Variants in CASP6 observed in about 807,000 individuals in gnomAD.
CASP6 encodes caspase-6.
CASP6 carries 20 observed loss-of-function variants against 31.8 expected under a neutral mutation model. That is an observed-to-expected ratio of 0.63 (90% confidence interval 0.44 to 0.91). The LOEUF is 0.91. Ranked by LOEUF, CASP6 falls within the 40% of genes least tolerant of loss-of-function variation. CASP6 has a pLI of 0.00. For synonymous variants in CASP6, 130 were observed against 127.8 expected (o/e 1.02, Z -0.12); for missense variants, 328 against 361.1 (o/e 0.91, Z 0.74).
chr4:109,681,913 C>G, the CASP6 span, among the ~76,000 whole-genome samples: 8 of 152,362 alleles, frequency 5.3e-5, no homozygotes, highest in African/African-American at 1.9e-4. Flanking sequence ...GAAAACAGAG[C>G]TCCCATACGA....
At chr4:109,678,024 C>T in the CASP6 span, among the ~76,000 whole-genome samples, 21 of 151,756 alleles carry the variant, frequency 1.4e-4, no homozygotes, top group Admixed American at 5.9e-4. Context: ...TGACTCTTAA[C>T]GAGTATGCTG....
intron 6 of CASP6, among the ~76,000 whole-genome samples, chr4:109,690,582 G>A (rs1466716340): frequency 2.0e-5 from 3 of 151,706 alleles, no homozygotes; most frequent in Admixed American, 2.0e-4. Flanking sequence ...ACCACCCTCA[G>A]TAACTGATGG....
At position 109,694,680 on chromosome 4, in the gene CASP6, C is replaced by A; in HGVS notation, c.328G>T (p.Asp110Tyr). 6.3e-7 allele frequency: 1 copy of A among 1,597,646 alleles called. No homozygotes were observed. The highest frequency in any genetic ancestry group is 8.5e-7 in the Non-Finnish European group (1 of 1,172,970). ...AAGACACACACAAAGCAATCGGCAT[C>A]TGCGTGGCTAACAGTTGACACTATA... ...IHEVSTVSHA[D>Y]ADCFVCVFLS... is the part of the protein sequence containing the mutation. Residue 110 changes from aspartate (D) to tyrosine (Y), a missense_variant, in exon 5 of 7, where the codon GAT (aspartate) becomes TAT (tyrosine). Physicochemically the swap from Asp to Tyr is radical, Grantham distance 160. Transcript: ENST00000265164.
At chr4:109,697,844 T>C in intron 2 of CASP6, 76 bp from the exon 3 acceptor site, 9 of 1,508,880 alleles carry the variant, frequency 6.0e-6, no homozygotes, top group Non-Finnish European at 8.1e-6. Flanking sequence ...TAGGTCAACA[T>C]GTAGATAGAG....
the CASP6 span, among the ~76,000 whole-genome samples, chr4:109,666,577 G>T: frequency 6.6e-6 from 1 of 152,136 alleles, no homozygotes; most frequent in Non-Finnish European, 1.5e-5. Context: ...ACGCCTATTT[G>T]CCATCTATGT....
At chr4:109,699,775 G>T (rs966652957) in intron 1 of CASP6, among the ~76,000 whole-genome samples, 1 of 152,172 alleles carries the variant, frequency 6.6e-6, no homozygotes, top group African/African-American at 2.4e-5. Flanking sequence ...GCACAGTAAC[G>T]AGGTACTTCC....
rs1161390236 is a variant in CASP6 at position 109,689,877 on chromosome 4, A to G, written c.644-309T>C. ...AGTCAAAATTATTTACTACAAAAGC[A>G]AAGAACCATTATCAAAATATTTTTC... is the stretch of plus-strand genomic sequence containing the variant. On this transcript the variant is annotated intron_variant, in intron 6 of 6. Coordinates refer to ENST00000265164, the MANE Select transcript of CASP6 (RefSeq NM_001226.4). Among the ~76,000 whole-genome samples, 3 of 152,184 alleles carry G rather than the reference A, an allele frequency of 2.0e-5. No homozygotes were observed. The South Asian group carries it at 6.2e-4, about 32-fold the overall frequency.
the CASP6 span, among the ~76,000 whole-genome samples, chr4:109,664,701 A>C: frequency 1.3e-5 from 2 of 152,286 alleles, no homozygotes; most frequent in South Asian, 4.1e-4. Flanking sequence ...TATGTTAAGA[A>C]TCTTAAATTT....
the CASP6 span, among the ~76,000 whole-genome samples, chr4:109,677,419 A>G: frequency 6.6e-6 from 1 of 152,056 alleles, no homozygotes; most frequent in Non-Finnish European, 1.5e-5. Flanking sequence ...GGCTCTTGGG[A>G]TGGAGTGAAT....
the CASP6 span, among the ~76,000 whole-genome samples, chr4:109,678,276 TC>T: frequency 6.6e-6 from 1 of 152,052 alleles, no homozygotes; most frequent in South Asian, 2.1e-4. Flanking sequence ...TTCCCCCTTT[TC>T]TATTCGACAA....
intron 2 of CASP6, 50 bp from the exon 3 acceptor site, chr4:109,697,818 G>A (rs773498170): frequency 1.1e-5 from 18 of 1,583,128 alleles, no homozygotes; most frequent in South Asian, 4.7e-5. Flanking sequence ...ATTAAATAAT[G>A]AGCCCCTCCA....
rs1337727973 is a variant in CASP6 at position 109,703,384 on chromosome 4, G to A, written c.12C>T (p.Ala4=). Residue 4 remains alanine, a synonymous_variant, in exon 1 of 7, where the codon GCC becomes GCT. Coordinates refer to ENST00000265164, the MANE Select transcript of CASP6 (RefSeq NM_001226.4). ...CCGGGTGCCCCCTGCGGAGCCCCGA[G>A]GCCGAGCTCATTGCAGCCAAACGCG... MSS[A]SGLRRGHPAG... 5.6e-6 allele frequency: 9 copies of A among 1,611,822 alleles called. No individual in the cohort carries two copies. The highest frequency in any genetic ancestry group is 2.2e-5 in the South Asian group (2 of 90,550).
At chr4:109,671,275 G>A in the CASP6 span, among the ~76,000 whole-genome samples, 1 of 152,022 alleles carries the variant, frequency 6.6e-6, no homozygotes, top group South Asian at 2.1e-4. Flanking sequence ...ATATTCTTTT[G>A]GACAGTTCTC....
At chr4:109,690,199 A>T (rs6857252) in intron 6 of CASP6, among the ~76,000 whole-genome samples, 33,290 of 143,786 alleles carry the variant, frequency 0.23, 4,523 homozygotes, top group South Asian at 0.37. Context: ...AAAAAAATAC[A>T]CACACACACA....
chr4:109,702,544 C>T (rs5030522), intron 1 of CASP6, among the ~76,000 whole-genome samples: 4,098 of 151,310 alleles, frequency 0.027, 173 homozygotes, highest in African/African-American at 0.094. Flanking sequence ...CGAGAACTCC[C>T]GACCTCTGGT....
intron 4 of CASP6, among the ~76,000 whole-genome samples, 168 bp from the exon 5 acceptor site, chr4:109,694,868 G>A (rs1730188600): frequency 6.6e-6 from 1 of 152,136 alleles, no homozygotes; most frequent in South Asian, 2.1e-4. Flanking sequence ...TTTCACTCTT[G>A]GTGCCCAGGG....
chr4:109,694,265 G>A (rs180925694), intron 5 of CASP6, among the ~76,000 whole-genome samples: 1 of 152,252 alleles, frequency 6.6e-6, no homozygotes, highest in East Asian at 1.9e-4. Flanking sequence ...TTGGTATCAG[G>A]CTCGGACAGG....
chr4:109,687,465 G>A (rs955133341), downstream of CASP6: 2 of 1,251,422 alleles, frequency 1.6e-6, no homozygotes, highest in African/African-American at 3.0e-5. Flanking sequence ...AGTAATGTTG[G>A]TATGTTTCTC....
At chr4:109,674,089 A>G in the CASP6 span, 4 of 1,458,580 alleles carry the variant, frequency 2.7e-6, no homozygotes, top group South Asian at 1.1e-5. Context: ...GGGCTATTCC[A>G]TGTATCGGGA....
Sources: allele counts gnomAD v4.1 joint callset (sites outside exome capture counted in the v4.1 genomes callset), GRCh38; gene constraint gnomAD v4.1.1; transcripts MANE v1.5; gene names NCBI Gene and HGNC (gene_info 2026-07-23, HGNC 2026-07-21).